Variants in PDCD1LG2 observed in about 807,000 individuals in gnomAD.
The protein encoded by PDCD1LG2 is B7 dendritic cell molecule.
PDCD1LG2 carries 32 observed loss-of-function variants against 28.2 expected under a neutral mutation model. The observed-to-expected ratio is 1.13, with a 90% confidence interval of 0.86 to 1.52. The LOEUF (loss-of-function observed/expected upper bound fraction) is 1.52, where lower values mean the gene tolerates loss of function less well. Ranked by LOEUF, PDCD1LG2 falls within the 40% of genes most tolerant of loss-of-function variation. PDCD1LG2 has a pLI of 0.00. For synonymous variants in PDCD1LG2, 116 were observed against 120.2 expected (o/e 0.97, Z 0.23); for missense variants, 385 against 323.8 (o/e 1.19, Z -1.45).
intron 6 of PDCD1LG2, among the ~76,000 whole-genome samples, chr9:5,565,863 CAACAAT>C (rs1816656244): frequency 6.6e-6 from 1 of 151,486 alleles, no homozygotes; most frequent in African/African-American, 2.4e-5. Flanking sequence ...GAATAACGTA[CAACAAT>C]AACAAGTTTC....
rs539978474 is a variant in PDCD1LG2 at position 5,547,994 on chromosome 9, G to C, written c.362-1341G>C. On this transcript the variant is annotated intron_variant, in intron 3 of 6. Transcript: ENST00000397747. ...ACTAGTTAACATATCACATCACCAA[G>C]TTGTTTTTTTGTGGTCTTTATTTTT... 3.4e-5 allele frequency among the ~76,000 whole-genome samples: 5 copies of C among 149,074 alleles called. No individual in the cohort carries two copies. In the South Asian group the frequency reaches 8.5e-4, roughly 25 times the overall value.
At chr9:5,562,660 A>G (rs1468041631) in intron 5 of PDCD1LG2, among the ~76,000 whole-genome samples, 1 of 152,196 alleles carries the variant, frequency 6.6e-6, no homozygotes, top group Non-Finnish European at 1.5e-5. Flanking sequence ...AAATTAAAAG[A>G]AAGATGTGAA....
intron 2 of PDCD1LG2, among the ~76,000 whole-genome samples, chr9:5,531,505 C>T (rs1490157022): frequency 6.6e-6 from 1 of 152,140 alleles, no homozygotes; most frequent in Non-Finnish European, 1.5e-5. Context: ...AAAAATGTCA[C>T]CTGTCTGACA....
intron 3 of PDCD1LG2, among the ~76,000 whole-genome samples, chr9:5,546,664 C>A (rs138864578): frequency 6.6e-6 from 1 of 152,176 alleles, no homozygotes; most frequent in Non-Finnish European, 1.5e-5. Flanking sequence ...CCCTAGACAT[C>A]TGCAATTACA....
At chr9:5,533,401 A>G (rs1820520078) in intron 2 of PDCD1LG2, among the ~76,000 whole-genome samples, 1 of 152,220 alleles carries the variant, frequency 6.6e-6, no homozygotes, top group Non-Finnish European at 1.5e-5. Flanking sequence ...CCCCTGTGGT[A>G]GATGAAAAAC....
intron 5 of PDCD1LG2, among the ~76,000 whole-genome samples, chr9:5,558,256 G>A (rs914227732): frequency 1.3e-5 from 2 of 152,248 alleles, no homozygotes; most frequent in Non-Finnish European, 2.9e-5. Context: ...TAAGGAAACA[G>A]CTGGTTGGTG....
At chr9:5,541,543 C>G (rs1008167170) in intron 3 of PDCD1LG2, among the ~76,000 whole-genome samples, 4 of 151,942 alleles carry the variant, frequency 2.6e-5, no homozygotes, top group African/African-American at 9.7e-5. Flanking sequence ...AAATCAGTAG[C>G]TCTGCTATAC....
At chr9:5,533,799 A>G (rs771580107) in intron 2 of PDCD1LG2, among the ~76,000 whole-genome samples, 67 of 151,908 alleles carry the variant, frequency 4.4e-4, no homozygotes, top group Non-Finnish European at 8.5e-4. Flanking sequence ...TATGTCCTGA[A>G]GTGAACTGCT....
chr9:5,516,539 A>C (rs539372287), intron 1 of PDCD1LG2, among the ~76,000 whole-genome samples: 2 of 152,334 alleles, frequency 1.3e-5, no homozygotes, highest in Admixed American at 1.3e-4. Context: ...CCAGGGACCT[A>C]ACCCCTTTCC....
At chr9:5,535,229 A>T (rs1187972242) in intron 3 of PDCD1LG2, among the ~76,000 whole-genome samples, 179 bp downstream of exon 3, 1 of 152,226 alleles carries the variant, frequency 6.6e-6, no homozygotes, top group East Asian at 1.9e-4. Flanking sequence ...CTGAGTACAA[A>T]GCAGCCGAAG....
chr9:5,543,919 T>G (rs979159155), intron 3 of PDCD1LG2, among the ~76,000 whole-genome samples: 1 of 152,230 alleles, frequency 6.6e-6, no homozygotes, highest in African/African-American at 2.4e-5. Context: ...GTTAACCTGC[T>G]ATTCCTTTTC....
At chr9:5,522,272 C>G (rs533356004) in intron 1 of PDCD1LG2, among the ~76,000 whole-genome samples, 2 of 152,338 alleles carry the variant, frequency 1.3e-5, no homozygotes, top group South Asian at 4.1e-4. Flanking sequence ...TTCACAAGGA[C>G]TGGTTCATAT....
At chr9:5,564,634 A>G (rs1816628209) in intron 6 of PDCD1LG2, among the ~76,000 whole-genome samples, 3 of 152,170 alleles carry the variant, frequency 2.0e-5, no homozygotes, top group Admixed American at 1.3e-4. Flanking sequence ...CACTGTTTTC[A>G]TCATCATCAT....
At chr9:5,522,920 C>T (rs1820305172) in intron 2 of PDCD1LG2, among the ~76,000 whole-genome samples, 1 of 152,120 alleles carries the variant, frequency 6.6e-6, no homozygotes, top group African/African-American at 2.4e-5. Context: ...GTTGAGTTCC[C>T]TTAAAGGTGA....
intron 3 of PDCD1LG2, among the ~76,000 whole-genome samples, chr9:5,537,642 C>G (rs966433547): frequency 6.6e-6 from 1 of 152,128 alleles, no homozygotes; most frequent in African/African-American, 2.4e-5. Flanking sequence ...AAAAACCAAA[C>G]ACCGCATGTT....
At chr9:5,519,562 C>G (rs1820235049) in intron 1 of PDCD1LG2, among the ~76,000 whole-genome samples, 1 of 152,146 alleles carries the variant, frequency 6.6e-6, no homozygotes, top group Non-Finnish European at 1.5e-5. Flanking sequence ...TTGGAATACC[C>G]CATGTCTCAG....
intron 3 of PDCD1LG2, among the ~76,000 whole-genome samples, chr9:5,547,487 T>C (rs923486482): frequency 6.6e-6 from 1 of 152,252 alleles, no homozygotes; most frequent in African/African-American, 2.4e-5. Flanking sequence ...TTCTTGTGTC[T>C]TCTAGTCTCT....
intron 2 of PDCD1LG2, among the ~76,000 whole-genome samples, chr9:5,523,178 G>A (rs1267220686): frequency 6.6e-6 from 1 of 152,118 alleles, no homozygotes; most frequent in South Asian, 2.1e-4. Context: ...CTTGAAGAAA[G>A]GACTTCTATT....
Position 5,557,681 on chromosome 9 carries a change from T to C in PDCD1LG2, c.695T>C (p.Ile232Thr), listed in dbSNP as rs757000272. The C allele has an allele frequency of 5.6e-6, 9 of 1,613,550 alleles. No individual in the cohort carries two copies. The highest frequency in any genetic ancestry group is 1.7e-5 in the Admixed American group (1 of 59,994). The stretch of plus-strand genomic sequence containing the variant: ...CACATTTTCATCCCCTTCTGCATCA[T>C]TGCTTTCATTTTCATAGCCACAGTG... ...LLHIFIPFCI[I>T]AFIFIATVIA... The change falls in exon 5 of 7, where the codon ATT (isoleucine) becomes ACT (threonine). Residue 232 changes from isoleucine (I) to threonine (T), a missense_variant. Ile to Thr is a moderately conservative substitution (Grantham distance 89). Coordinates refer to ENST00000397747, the MANE Select transcript of PDCD1LG2 (RefSeq NM_025239.4).
Sources: allele counts gnomAD v4.1 joint callset (sites outside exome capture counted in the v4.1 genomes callset), GRCh38; gene constraint gnomAD v4.1.1; transcripts MANE v1.5; gene names NCBI Gene and HGNC (gene_info 2026-07-23, HGNC 2026-07-21).